CANX: variants seen among roughly 807,000 people sequenced by gnomAD.
CANX encodes epididymis secretory sperm binding protein.
In CANX, 14 loss-of-function variants were observed where a neutral mutation model predicts 75.7. The observed-to-expected ratio is 0.19, with a 90% CI of 0.12 to 0.29. The LOEUF is 0.29. Ranked by LOEUF, CANX falls within the 10% of genes least tolerant of loss-of-function variation. CANX has a pLI of 1.00. For synonymous variants in CANX, 227 were observed against 236.9 expected, an observed-to-expected ratio of 0.96 and a Z score of 0.38; for missense variants, 567 against 713.2, an observed-to-expected ratio of 0.79 and a Z score of 2.34.
At chr5:179,687,415 T>C (rs72809756) in intron 1 of CANX, among the ~76,000 whole-genome samples, 6,592 of 152,310 alleles carry the variant, frequency 0.043, 198 homozygotes, top group African/African-American at 0.081. Context: ...TGCTCTGTGT[T>C]CTTGTGCTTG....
chr5:179,681,597 C>A (rs976868910), intron 1 of CANX, among the ~76,000 whole-genome samples: 1 of 152,078 alleles, frequency 6.6e-6, no homozygotes, highest in Non-Finnish European at 1.5e-5. Context: ...TCTTTTGTAC[C>A]CTCCTTCTAC....
intron 7 of CANX, among the ~76,000 whole-genome samples, chr5:179,710,706 T>A (rs1428944364): frequency 2.2e-4 from 2 of 8,992 alleles, no homozygotes; most frequent in Non-Finnish European, 1.1e-3. Context: ...AGACTCCATC[T>A]CAAAAAAAAA....
intron 1 of CANX, among the ~76,000 whole-genome samples, chr5:179,699,927 T>C (rs1249270252): frequency 6.6e-6 from 1 of 152,196 alleles, no homozygotes; most frequent in Non-Finnish European, 1.5e-5. Flanking sequence ...TTTCTTACCC[T>C]TTGTGCCCCC....
upstream of CANX, among the ~76,000 whole-genome samples, chr5:179,697,811 C>G (rs986730654): frequency 2.6e-5 from 4 of 152,112 alleles, no homozygotes; most frequent in Non-Finnish European, 4.4e-5. Flanking sequence ...TCGCTTGAAC[C>G]CGGGAGGCGG....
intron 1 of CANX, among the ~76,000 whole-genome samples, chr5:179,685,481 C>T (rs947744395): frequency 6.6e-6 from 1 of 150,640 alleles, no homozygotes; most frequent in Non-Finnish European, 1.5e-5. Context: ...CTCCTGACCT[C>T]AGGTGATCTG....
In CANX at chr5:179,731,311, T is replaced by A. The variant is rs1026897572; in HGVS notation, c.*2667T>A. ...CAGACTCCATTATTTTACATATACT[T>A]AAATACTTTAGGGGTATTTTTGAAA... On this transcript the variant is annotated 3_prime_UTR_variant, in exon 15 of 15. Coordinates refer to ENST00000247461, the MANE Select transcript of CANX (RefSeq NM_001746.4). Among the ~76,000 whole-genome samples, 1 of 152,256 alleles carries A rather than the reference T, an allele frequency of 6.6e-6. No individual in the cohort carries two copies. Among genetic ancestry groups the A allele is most frequent in the Admixed American group, 6.5e-5 (1 of 15,284 alleles).
chr5:179,708,179 C>T (rs1208517867), intron 4 of CANX, 60 bp from the exon 5 acceptor site: 31 of 1,450,528 alleles, frequency 2.1e-5, no homozygotes, highest in Non-Finnish European at 2.9e-6. Flanking sequence ...TTTTTTTTGG[C>T]ATTTAAAGGA....
chr5:179,698,617 G>C (rs1413116022), upstream of CANX: 8 of 1,284,802 alleles, frequency 6.2e-6, no homozygotes, highest in South Asian at 7.4e-5. Flanking sequence ...AGGGCTACTG[G>C]GGGTTGGGTT....
intron 1 of CANX, among the ~76,000 whole-genome samples, chr5:179,683,491 C>T (rs1222990465): frequency 1.3e-5 from 2 of 151,768 alleles, no homozygotes; most frequent in Non-Finnish European, 2.9e-5. Flanking sequence ...TATGTGAAAT[C>T]ATTCCCAAAA....
Position 179,728,582 on chromosome 5 carries a change from A to G in CANX, c.1726-9A>G, listed in dbSNP as rs1778814367. On this transcript the variant is annotated splice_polypyrimidine_tract_variant and intron_variant, in intron 14 of 14. Transcript: ENST00000247461. The stretch of plus-strand genomic sequence containing the variant: ...TGCTAATTATAATGAATTTCTTTTC[A>G]ATCAATAGGAGGATGAAATTTTGAA... The G allele has an allele frequency of 1.0e-5, 16 of 1,540,484 alleles. No homozygotes were observed. Among genetic ancestry groups the G allele is most frequent in the Non-Finnish European group, 1.3e-5 (14 of 1,114,244 alleles).
rs901153010 is a variant in CANX at position 179,716,266 on chromosome 5, G to C, written c.883G>C (p.Asp295His). The change falls in exon 8 of 15, where the codon GAT becomes CAT. Residue 295 changes from aspartate (D) to histidine (H), a missense_variant. By Grantham distance (81) the Asp-to-His change is moderately conservative (BLOSUM62 -1). Coordinates refer to ENST00000247461, the MANE Select transcript of CANX (RefSeq NM_001746.4). ...TTGGGATGAAAGACCAAAAATCCCAGATCCAGAAGCTGTCAAGCCAGATGA... is the reference window on the plus strand; with the variant it reads ...TTGGGATGAAAGACCAAAAATCCCACATCCAGAAGCTGTCAAGCCAGATGA... ...EDWDERPKIP[D>H]PEAVKPDDWD... is the part of the protein sequence containing the mutation. 99 of 1,613,974 alleles carry C rather than the reference G, an allele frequency of 6.1e-5. No homozygotes were observed. Among genetic ancestry groups the C allele is most frequent in the Non-Finnish European group, 7.7e-5 (91 of 1,179,966 alleles).
At chr5:179,707,887 A>G (rs1431532133) in intron 4 of CANX, among the ~76,000 whole-genome samples, 1 of 152,078 alleles carries the variant, frequency 6.6e-6, no homozygotes, top group East Asian at 1.9e-4. Flanking sequence ...AGGCTTCTGG[A>G]ATAGAGTGGC....
intron 1 of CANX, among the ~76,000 whole-genome samples, chr5:179,683,939 G>A (rs1324916986): frequency 3.3e-5 from 5 of 152,120 alleles, no homozygotes; most frequent in Admixed American, 3.3e-4. Context: ...TTGCTGAGTA[G>A]TATTTCATTG....
intron 1 of CANX, among the ~76,000 whole-genome samples, chr5:179,683,277 G>A (rs538749475): frequency 2.0e-5 from 3 of 152,000 alleles, no homozygotes; most frequent in South Asian, 2.1e-4. Context: ...ACAGGCACCC[G>A]CCACCATGCC....
chr5:179,723,583 G>C (rs545411123), intron 11 of CANX, 77 bp from the exon 12 acceptor site: 127 of 1,511,734 alleles, frequency 8.4e-5, no homozygotes, highest in Middle Eastern at 3.5e-4. Flanking sequence ...TGCCATAACT[G>C]AACTGCAGAA....
chr5:179,701,330 C>CA (rs1491399179), intron 1 of CANX, among the ~76,000 whole-genome samples: 2 of 152,062 alleles, frequency 1.3e-5, no homozygotes, highest in Non-Finnish European at 2.9e-5. Context: ...CGGTGGCTCT[C>CA]ACGCCTGTAG....
At chr5:179,716,984 C>T (rs376462545) in intron 8 of CANX, among the ~76,000 whole-genome samples, 31 of 152,126 alleles carry the variant, frequency 2.0e-4, no homozygotes, top group East Asian at 1.9e-4. Flanking sequence ...GCTTGACATG[C>T]GAGGGAGAAA....
At chr5:179,681,201 T>C (rs893987906) in intron 1 of CANX, among the ~76,000 whole-genome samples, 1 of 152,210 alleles carries the variant, frequency 6.6e-6, no homozygotes, top group Non-Finnish European at 1.5e-5. Context: ...TACTGTGTTC[T>C]AGGAACAGTT....
chr5:179,681,891 T>A (rs1369197658), intron 1 of CANX, among the ~76,000 whole-genome samples: 1 of 144,322 alleles, frequency 6.9e-6, no homozygotes, highest in Non-Finnish European at 1.5e-5. Context: ...AAAGCTGCAG[T>A]GAGCAGTGAT....
Sources: allele counts gnomAD v4.1 joint callset (sites outside exome capture counted in the v4.1 genomes callset), GRCh38; gene constraint gnomAD v4.1.1; transcripts MANE v1.5; gene names NCBI Gene and HGNC (gene_info 2026-07-23, HGNC 2026-07-21).